Variants in TANC1 observed in about 807,000 individuals in gnomAD.
The protein encoded by TANC1 is protein TANC1.
In TANC1, 77 loss-of-function variants were observed where a neutral mutation model predicts 149.7. The ratio of observed to expected loss-of-function variants is 0.51; its 90% confidence interval spans 0.43 to 0.62. The LOEUF (loss-of-function observed/expected upper bound fraction) is 0.62, where lower values mean the gene tolerates loss of function less well. TANC1 is among the 20% of genes least tolerant of loss of function. The pLI is 0.00. For synonymous variants in TANC1, 854 were observed against 925.0 expected (o/e 0.92, Z 1.39); for missense variants, 1,985 against 2,321.8 (o/e 0.85, Z 2.98).
At chr2:158,984,294 C>T (rs2149242338) in intron 1 of TANC1, among the ~76,000 whole-genome samples, 1 of 152,234 alleles carries the variant, frequency 6.6e-6, no homozygotes, top group Admixed American at 6.5e-5. Context: ...TTCCCCCTTC[C>T]ATCTGGAAAA....
At chr2:159,171,673 A>G (rs1408447275) in intron 10 of TANC1, among the ~76,000 whole-genome samples, 1 of 152,060 alleles carries the variant, frequency 6.6e-6, no homozygotes, top group East Asian at 1.9e-4. Flanking sequence ...CCTGACCAAC[A>G]TGGTAAAACC....
At chr2:159,138,844 G>A (rs557609257) in intron 5 of TANC1, among the ~76,000 whole-genome samples, 2 of 152,310 alleles carry the variant, frequency 1.3e-5, no homozygotes, top group South Asian at 2.1e-4. Context: ...CTAAATGCTT[G>A]AAATACTTTC....
intron 1 of TANC1, among the ~76,000 whole-genome samples, chr2:158,970,434 A>G (rs1485633547): frequency 6.6e-6 from 1 of 152,150 alleles, no homozygotes; most frequent in Non-Finnish European, 1.5e-5. Context: ...ATTGCTGGGA[A>G]TGAAGGAGTT....
At chr2:159,181,937 ACGTG>A (rs1314530056) in intron 14 of TANC1, among the ~76,000 whole-genome samples, 4 of 152,168 alleles carry the variant, frequency 2.6e-5, no homozygotes, top group African/African-American at 9.7e-5. Context: ...GCGGTGGCTT[ACGTG>A]CGTAATCCTA....
rs2036638660 is a variant in TANC1, at chr2:159,001,849, A to G, written c.-16+660A>G. 6.6e-6 allele frequency among the ~76,000 whole-genome samples: 1 copy of G among 152,126 alleles called. No homozygotes were observed. The highest frequency in any genetic ancestry group is 2.1e-4 in the South Asian group (1 of 4,816). ...ATTGTTAGGGAATTGAACAGTGGAC[A>G]GAAGGTTCCAGAGGCTGTGGGGGAA... On this transcript the variant is annotated intron_variant, in intron 2 of 26. Transcript: ENST00000263635. This position sits in a 1 kb window ranked among gnomAD's most constrained non-coding sequence, Gnocchi z 4.3.
intron 10 of TANC1, 83 bp from the exon 11 acceptor site, chr2:159,172,038 C>T: frequency 7.2e-7 from 1 of 1,380,764 alleles, no homozygotes; most frequent in Non-Finnish European, 1.0e-6. Context: ...TAAAATATGC[C>T]CTGGCACAAA....
At chr2:159,203,699 T>C (rs985734608) in intron 19 of TANC1, among the ~76,000 whole-genome samples, 1 of 146,836 alleles carries the variant, frequency 6.8e-6, no homozygotes, top group Non-Finnish European at 1.5e-5. Context: ...CCTGAGTAGC[T>C]AGGACTACAG....
intron 5 of TANC1, among the ~76,000 whole-genome samples, chr2:159,146,071 T>A (rs1188102609): frequency 1.3e-5 from 2 of 152,232 alleles, no homozygotes; most frequent in Non-Finnish European, 1.5e-5. Flanking sequence ...GCTGTTCAGA[T>A]CTCAGTATTT....
chr2:159,001,855 T>C lies in TANC1; in HGVS notation c.-16+666T>C, dbSNP rs2036639398. Among the ~76,000 whole-genome samples, 3 of 151,918 alleles carry C rather than the reference T, an allele frequency of 2.0e-5. No homozygotes were observed. ...AGGGAATTGAACAGTGGACAGAAGGTTCCAGAGGCTGTGGGGGAAGGGAGA... is the reference window on the plus strand; with the variant it reads ...AGGGAATTGAACAGTGGACAGAAGGCTCCAGAGGCTGTGGGGGAAGGGAGA... On this transcript the variant is annotated intron_variant, in intron 2 of 26. Coordinates refer to ENST00000263635, the MANE Select transcript of TANC1 (RefSeq NM_033394.3). This position sits in a 1 kb window ranked among gnomAD's most constrained non-coding sequence, Gnocchi z 4.3.
At chr2:159,117,456 T>C (rs264589) in intron 4 of TANC1, among the ~76,000 whole-genome samples, 126,879 of 146,978 alleles carry the variant, frequency 0.86, 55,474 homozygotes, top group Non-Finnish European at 0.93. Flanking sequence ...AGTGCAGTGG[T>C]GCAATCTCGG....
chr2:159,132,231 A>G (rs1297066765), intron 4 of TANC1, among the ~76,000 whole-genome samples: 1 of 152,228 alleles, frequency 6.6e-6, no homozygotes, highest in African/African-American at 2.4e-5. Flanking sequence ...GAATGAGTGA[A>G]TTAATGTATG....
intron 2 of TANC1, chr2:159,003,942 C>A: frequency 4.3e-6 from 7 of 1,612,750 alleles, no homozygotes; most frequent in Non-Finnish European, 5.1e-6. Flanking sequence ...AGAACAGCCA[C>A]AGCTGATGAC....
intron 19 of TANC1, among the ~76,000 whole-genome samples, chr2:159,215,864 T>C (rs1174006123): frequency 6.6e-6 from 1 of 152,210 alleles, no homozygotes; most frequent in African/African-American, 2.4e-5. Context: ...TGTAGACATG[T>C]AGTGTTCTGC....
rs58675911 is a variant in TANC1 at position 159,062,973 on chromosome 2, CAAAAA to C, written c.-15-2905_-15-2901del. ...TGGGCGACAGAGCGAGACTCCGTCT[CAAAAA>C]AAAAAAAAAAAAAAAAAGAAAGCAA... On this transcript the variant is annotated intron_variant, in intron 2 of 26. Coordinates refer to ENST00000263635, the MANE Select transcript of TANC1 (RefSeq NM_033394.3). Among the ~76,000 whole-genome samples the C allele has an allele frequency of 8.7e-4, 36 of 41,208 alleles. 2 individuals carry two copies. The highest frequency in any genetic ancestry group is 2.5e-3 in the South Asian group (2 of 816). The allele number at this position is 41,208 out of a possible 152,430, so 27.0% of individuals were successfully genotyped here.
chr2:159,087,814 G>A (rs914155407), intron 3 of TANC1, among the ~76,000 whole-genome samples: 13 of 150,350 alleles, frequency 8.6e-5, no homozygotes, highest in Middle Eastern at 3.4e-3. Flanking sequence ...AAATTTGCTC[G>A]TTGCAGATGT....
At chr2:159,179,281 G>A in intron 14 of TANC1, 118 bp downstream of exon 14, 1 of 1,328,254 alleles carries the variant, frequency 7.5e-7, no homozygotes. Flanking sequence ...CTAATTCAGT[G>A]TTACTGCTTT....
chr2:159,056,999 CT>C (rs2041904555), intron 2 of TANC1: 1 of 167,610 alleles, frequency 6.0e-6, no homozygotes, highest in Non-Finnish European at 1.3e-5. Context: ...GATGATGCTA[CT>C]TGTGAGCCTT....
At chr2:158,997,385 T>C (rs1014366048) in intron 1 of TANC1, among the ~76,000 whole-genome samples, 1 of 152,206 alleles carries the variant, frequency 6.6e-6, no homozygotes, top group Non-Finnish European at 1.5e-5. Flanking sequence ...TAGGTTTAGC[T>C]TGACATAGAT....
chr2:159,116,129 A>T (rs565089995), intron 4 of TANC1, among the ~76,000 whole-genome samples: 21 of 152,244 alleles, frequency 1.4e-4, no homozygotes, highest in African/African-American at 4.6e-4. Context: ...ATAAGGAATG[A>T]AAAGTACCTG....
Sources: gnomAD v4.1 joint callset for allele counts (sites outside exome capture counted in the v4.1 genomes callset) on GRCh38, gnomAD v4.1.1 for gene constraint, Gnocchi (gnomAD v3.1) non-coding constraint, MANE v1.5 for transcripts, NCBI Gene and HGNC (gene_info 2026-07-23, HGNC 2026-07-21) for gene names.